PRELID2: variants seen among roughly 807,000 people sequenced by gnomAD.
PRELID2 encodes the protein PRELI domain containing 2, also known as PRELI domain-containing protein 2.
Under a neutral mutation model 28.4 loss-of-function variants are expected in PRELID2, and 25 were observed. That is an observed-to-expected ratio of 0.88 (90% CI 0.64 to 1.23). PRELID2 has a LOEUF of 1.23. Ranked by LOEUF, PRELID2 falls within the 50% of genes most tolerant of loss-of-function variation. PRELID2 has a pLI of 0.00. For missense variants in PRELID2, 201 were observed against 214.4 expected, an observed-to-expected ratio of 0.94 and a Z score of 0.39; for synonymous variants, 76 against 71.6, an observed-to-expected ratio of 1.06 and a Z score of -0.31.
At chr5:145,361,205 C>T in the PRELID2 span, among the ~76,000 whole-genome samples, 28 of 152,172 alleles carry the variant, frequency 1.8e-4, no homozygotes. Context: ...AAACTAAAAG[C>T]TGGTGTTTAA....
chr5:145,490,327 G>C (rs770568262), intron 1 of PRELID2, among the ~76,000 whole-genome samples: 9 of 152,096 alleles, frequency 5.9e-5, no homozygotes, highest in Admixed American at 6.6e-5. Flanking sequence ...ACCTGAAACT[G>C]AACACACAAA....
chr5:145,353,302 AC>A, the PRELID2 span, among the ~76,000 whole-genome samples: 1 of 151,858 alleles, frequency 6.6e-6, no homozygotes, highest in Non-Finnish European at 1.5e-5. Flanking sequence ...AAACACACAC[AC>A]ACACAAAAAA....
the PRELID2 span, among the ~76,000 whole-genome samples, chr5:145,449,252 C>T: frequency 3.9e-5 from 6 of 151,972 alleles, no homozygotes; most frequent in Non-Finnish European, 2.9e-5. Context: ...AAGGGCTTCC[C>T]AGCAAAACTC....
chr5:145,240,198 A>C, the PRELID2 span, among the ~76,000 whole-genome samples: 1 of 151,970 alleles, frequency 6.6e-6, no homozygotes, highest in Non-Finnish European at 1.5e-5. Context: ...TACATTGAGC[A>C]AATGTATTTT....
At chr5:145,454,193 A>C in the PRELID2 span, among the ~76,000 whole-genome samples, 1 of 152,150 alleles carries the variant, frequency 6.6e-6, no homozygotes, top group Non-Finnish European at 1.5e-5. Context: ...TATGGTTTGG[A>C]TTTGATGCAG....
At chr5:145,634,191 T>C (rs1369499426) in intron 1 of PRELID2, among the ~76,000 whole-genome samples, 1 of 152,206 alleles carries the variant, frequency 6.6e-6, no homozygotes, top group Admixed American at 6.5e-5. Context: ...GTTAGTCTTC[T>C]TCCTTCTGGT....
chr5:145,509,086 G>T (rs933454464), intron 1 of PRELID2, among the ~76,000 whole-genome samples: 2 of 152,184 alleles, frequency 1.3e-5, no homozygotes, highest in Non-Finnish European at 2.9e-5. Flanking sequence ...GTAAGAGATA[G>T]AGTAGGTATT....
chr5:145,650,257 GCTA>G (rs749312397), intron 1 of PRELID2, among the ~76,000 whole-genome samples: 73 of 152,022 alleles, frequency 4.8e-4, no homozygotes, highest in Non-Finnish European at 1.0e-3. Context: ...CAGTCCCTGA[GCTA>G]CTACTTCTGA....
At chr5:145,269,909 TAC>T in the PRELID2 span, among the ~76,000 whole-genome samples, 2 of 148,324 alleles carry the variant, frequency 1.3e-5, no homozygotes, top group African/African-American at 5.0e-5. Context: ...CATACATACA[TAC>T]ATATATATAC....
chr5:145,297,767 A>C, the PRELID2 span, among the ~76,000 whole-genome samples: 1 of 152,134 alleles, frequency 6.6e-6, no homozygotes, highest in African/African-American at 2.4e-5. Flanking sequence ...CAACTTCAGC[A>C]AAGTCTCAGG....
downstream of PRELID2, among the ~76,000 whole-genome samples, chr5:145,753,124 C>T (rs965456378): frequency 3.9e-5 from 6 of 152,196 alleles, no homozygotes; most frequent in African/African-American, 1.4e-4. Context: ...AGTAATGATT[C>T]CATCAGCAGC....
chr5:145,330,973 G>A, the PRELID2 span, among the ~76,000 whole-genome samples: 3 of 152,056 alleles, frequency 2.0e-5, no homozygotes, highest in Admixed American at 2.0e-4. Flanking sequence ...GGTATGTTGT[G>A]ATTTTGTTCT....
At chr5:145,329,262 C>T in the PRELID2 span, among the ~76,000 whole-genome samples, 30 of 152,040 alleles carry the variant, frequency 2.0e-4, no homozygotes, top group African/African-American at 5.3e-4. Flanking sequence ...TGGCTATAAG[C>T]GGTCTTCTTT....
intron 1 of PRELID2, among the ~76,000 whole-genome samples, chr5:145,497,106 C>T (rs148618756): frequency 6.6e-6 from 1 of 152,212 alleles, no homozygotes; most frequent in African/African-American, 2.4e-5. Context: ...TCAAGTGATC[C>T]TCCCACCTCA....
the PRELID2 span, among the ~76,000 whole-genome samples, chr5:145,398,200 T>G: frequency 1.3e-5 from 2 of 152,086 alleles, no homozygotes; most frequent in Non-Finnish European, 2.9e-5. Context: ...AGGGAACAAC[T>G]GGGCACTCAC....
intron 1 of PRELID2, among the ~76,000 whole-genome samples, chr5:145,654,421 C>T (rs1456144724): frequency 6.6e-6 from 1 of 152,206 alleles, no homozygotes; most frequent in East Asian, 1.9e-4. Context: ...ATCCTGATAA[C>T]AAAACCTGAC....
At chr5:145,619,081 G>A (rs1412748799) in intron 1 of PRELID2, among the ~76,000 whole-genome samples, 1 of 152,124 alleles carries the variant, frequency 6.6e-6, no homozygotes, top group Admixed American at 6.5e-5. Flanking sequence ...GGCAAGCAGG[G>A]CTGAGAACTT....
intron 1 of PRELID2, among the ~76,000 whole-genome samples, chr5:145,580,318 G>T (rs957078263): frequency 3.3e-5 from 5 of 152,056 alleles, no homozygotes; most frequent in African/African-American, 1.2e-4. Flanking sequence ...TAATATTGAG[G>T]TTAATATTCA....
chr5:145,327,658 T>G, the PRELID2 span, among the ~76,000 whole-genome samples: 1 of 152,158 alleles, frequency 6.6e-6, no homozygotes, highest in South Asian at 2.1e-4. Context: ...GTTTTCTGAT[T>G]GTTTTATAGT....
Sources: allele counts gnomAD v4.1 joint callset (sites outside exome capture counted in the v4.1 genomes callset), GRCh38; gene constraint gnomAD v4.1.1; transcripts MANE v1.5; gene names NCBI Gene and HGNC (gene_info 2026-07-23, HGNC 2026-07-21).